SPOCK3: variants seen among roughly 807,000 people sequenced by gnomAD.
SPOCK3 encodes the protein testican-3.
SPOCK3 carries 30 observed loss-of-function variants against 56.6 expected under a neutral mutation model. That is an observed-to-expected ratio of 0.53 (90% CI 0.40 to 0.72). SPOCK3 has a LOEUF of 0.72. SPOCK3 is among the 30% of genes least tolerant of loss of function. The pLI is 0.00. For missense variants in SPOCK3, 527 were observed against 530.0 expected (o/e 0.99, Z 0.06); for synonymous variants, 196 against 183.3 (o/e 1.07, Z -0.56).
At chr4:167,127,073 G>A (rs956288810) in intron 2 of SPOCK3, among the ~76,000 whole-genome samples, 1 of 152,168 alleles carries the variant, frequency 6.6e-6, no homozygotes, top group Non-Finnish European at 1.5e-5. Context: ...ATTGGGTGAG[G>A]AGAATTGATT....
At chr4:166,742,137 A>C in intron 8 of SPOCK3, 78 bp from the exon 9 acceptor site, 1 of 1,090,162 alleles carries the variant, frequency 9.2e-7, no homozygotes, top group South Asian at 1.3e-5. Flanking sequence ...ATCAAACTTC[A>C]CTTAGTCTTT....
At chr4:167,066,350 G>A (rs1191030544) in intron 2 of SPOCK3, among the ~76,000 whole-genome samples, 2 of 151,704 alleles carry the variant, frequency 1.3e-5, no homozygotes, top group East Asian at 3.9e-4. Flanking sequence ...AGATACCGGT[G>A]GGGATACTAC....
Position 167,136,046 on chromosome 4 carries a change from T to C in SPOCK3, c.190-73509A>G, listed in dbSNP as rs538333451. On this transcript the variant is annotated intron_variant, in intron 2 of 10. Transcript: ENST00000357545. Reference sequence around the variant, plus strand: ...AAATATGCTTATTTTCATTTTTTTTTCCCTCTAAGGCAGTGGTTCTCAAAG... The same window carrying C: ...AAATATGCTTATTTTCATTTTTTTTCCCCTCTAAGGCAGTGGTTCTCAAAG... Among the ~76,000 whole-genome samples, 9 of 152,150 alleles carry C rather than the reference T, an allele frequency of 5.9e-5. No homozygotes were observed. The East Asian group carries it at 7.7e-4, about 13-fold the overall frequency.
At chr4:166,847,682 A>ATAT (rs1560926835) in intron 6 of SPOCK3, among the ~76,000 whole-genome samples, 1,023 of 27,146 alleles carry the variant, frequency 0.038, 38 homozygotes, top group African/African-American at 0.08. Context: ...TATATATATA[A>ATAT]GAATCATGTT....
chr4:166,742,854 T>C (rs1038429176), intron 8 of SPOCK3, among the ~76,000 whole-genome samples: 5 of 152,158 alleles, frequency 3.3e-5, no homozygotes, highest in African/African-American at 1.2e-4. Context: ...CTTATATTAT[T>C]ACTCTTATAT....
At chr4:166,848,482 T>G (rs1748330665) in intron 6 of SPOCK3, among the ~76,000 whole-genome samples, 1 of 152,204 alleles carries the variant, frequency 6.6e-6, no homozygotes, top group Non-Finnish European at 1.5e-5. Flanking sequence ...GGTCAATAAG[T>G]GTCTTTTGCT....
chr4:167,217,239 T>C (rs1735450263), intron 2 of SPOCK3, among the ~76,000 whole-genome samples: 1 of 152,098 alleles, frequency 6.6e-6, no homozygotes, highest in Non-Finnish European at 1.5e-5. Flanking sequence ...AAAATTGTAA[T>C]ACAGTTGACC....
chr4:166,834,448 CAAG>C (rs1746403400), intron 6 of SPOCK3, among the ~76,000 whole-genome samples: 1 of 152,106 alleles, frequency 6.6e-6, no homozygotes, highest in Non-Finnish European at 1.5e-5. Flanking sequence ...CTGATGAGCT[CAAG>C]AAGATTAAAA....
At chr4:167,071,893 T>G (rs1213373928) in intron 2 of SPOCK3, among the ~76,000 whole-genome samples, 2 of 152,112 alleles carry the variant, frequency 1.3e-5, no homozygotes, top group Non-Finnish European at 2.9e-5. Context: ...TGTTGTTTCC[T>G]GACTTTTTAA....
At chr4:167,178,661 A>G (rs1580529819) in intron 2 of SPOCK3, among the ~76,000 whole-genome samples, 1 of 152,180 alleles carries the variant, frequency 6.6e-6, no homozygotes, top group Non-Finnish European at 1.5e-5. Context: ...AAAAATTTCA[A>G]TAACTTTTTA....
intron 3 of SPOCK3, among the ~76,000 whole-genome samples, chr4:167,053,728 T>A (rs559107831): frequency 6.6e-6 from 1 of 151,904 alleles, no homozygotes; most frequent in South Asian, 2.1e-4. Flanking sequence ...AAAAAGAGAA[T>A]TAACTGCAAT....
chr4:166,858,758 A>G (rs943627877), intron 6 of SPOCK3, among the ~76,000 whole-genome samples: 1 of 152,218 alleles, frequency 6.6e-6, no homozygotes, highest in Admixed American at 6.5e-5. Context: ...TACACGAGCA[A>G]AAATGTAACA....
intron 2 of SPOCK3, among the ~76,000 whole-genome samples, chr4:167,073,494 T>A (rs1756891105): frequency 6.6e-6 from 1 of 151,982 alleles, no homozygotes; most frequent in Middle Eastern, 3.5e-3. Context: ...TGTGCTTTTT[T>A]TCCCCTCTAG....
intron 2 of SPOCK3, among the ~76,000 whole-genome samples, chr4:167,171,418 C>T (rs1730487585): frequency 6.6e-6 from 1 of 152,120 alleles, no homozygotes; most frequent in South Asian, 2.1e-4. Flanking sequence ...TACTTGTCTA[C>T]AGCATGTAAC....
intron 2 of SPOCK3, among the ~76,000 whole-genome samples, chr4:167,102,162 G>A (rs569619067): frequency 3.3e-4 from 51 of 152,248 alleles, no homozygotes; most frequent in African/African-American, 1.2e-3. Flanking sequence ...AAGGAGATCA[G>A]ATTGAAACCT....
chr4:166,863,847 G>T (rs1445643555), intron 6 of SPOCK3, among the ~76,000 whole-genome samples: 2 of 151,894 alleles, frequency 1.3e-5, no homozygotes, highest in African/African-American at 4.8e-5. Context: ...GAGACTTTAA[G>T]ACCTGACTGT....
chr4:167,198,979 T>C (rs1000601896), intron 2 of SPOCK3, among the ~76,000 whole-genome samples: 6 of 152,112 alleles, frequency 3.9e-5, no homozygotes, highest in African/African-American at 1.2e-4. Context: ...ATGGAAAATA[T>C]CCCATTATTC....
rs532105441 is a variant in SPOCK3 at position 167,055,651 on chromosome 4, T to C, written c.235+6841A>G. 2.1e-4 allele frequency among the ~76,000 whole-genome samples: 32 copies of C among 152,282 alleles called. No homozygotes were observed. In the Middle Eastern group the frequency reaches 0.014, roughly 65 times the overall value. ...AAATACGGTGCACCAGGAGATTATATCCCGCACCTGGCTCAGAGGGTCCTA... is the reference window on the plus strand; with the variant it reads ...AAATACGGTGCACCAGGAGATTATACCCCGCACCTGGCTCAGAGGGTCCTA... On this transcript the variant is annotated intron_variant, in intron 3 of 10. Coordinates refer to ENST00000357545, the MANE Select transcript of SPOCK3 (RefSeq NM_001040159.2).
intron 7 of SPOCK3, among the ~76,000 whole-genome samples, chr4:166,766,940 TA>T: frequency 6.6e-6 from 1 of 151,928 alleles, no homozygotes; most frequent in East Asian, 1.9e-4. Flanking sequence ...TCGAGGAATT[TA>T]TCCATTTCTT....
Sources: gnomAD v4.1 joint callset for allele counts (sites outside exome capture counted in the v4.1 genomes callset) on GRCh38, gnomAD v4.1.1 for gene constraint, MANE v1.5 for transcripts, NCBI Gene and HGNC (gene_info 2026-07-23, HGNC 2026-07-21) for gene names.